Variants in INPP5B observed in about 807,000 individuals in gnomAD.
INPP5B encodes the protein inositol polyphosphate-5-phosphatase B, also known as type II inositol 1,4,5-trisphosphate 5-phosphatase.
A neutral mutation model predicts 118.5 loss-of-function variants in INPP5B; 90 were observed. The ratio of observed to expected loss-of-function variants is 0.76; its 90% confidence interval spans 0.64 to 0.90. The LOEUF is 0.90. Ranked by LOEUF, INPP5B falls within the 40% of genes least tolerant of loss-of-function variation. The pLI is 0.00. For missense variants in INPP5B, 984 were observed against 1,125.6 expected (o/e 0.87, Z 1.80); for synonymous variants, 385 against 418.9 (o/e 0.92, Z 0.99).
intron 7 of INPP5B, among the ~76,000 whole-genome samples, chr1:37,891,859 C>A (rs1643863439): frequency 1.3e-5 from 2 of 152,126 alleles, no homozygotes; most frequent in Non-Finnish European, 1.5e-5. Flanking sequence ...AAATTGTAGT[C>A]TAGGAATTAT....
chr1:37,868,879 T>C (rs1008228454), intron 19 of INPP5B, among the ~76,000 whole-genome samples: 5 of 152,232 alleles, frequency 3.3e-5, no homozygotes, highest in Non-Finnish European at 5.9e-5. Flanking sequence ...CTATAGCATT[T>C]CACTATTAGA....
chr1:37,868,248 G>A (rs987130995), intron 20 of INPP5B, among the ~76,000 whole-genome samples: 1 of 151,382 alleles, frequency 6.6e-6, no homozygotes, highest in African/African-American at 2.4e-5. Context: ...AGGAGGCGGA[G>A]GTTGCAGTGA....
At chr1:37,882,761 T>C (rs1643281748) in intron 14 of INPP5B, 46 bp downstream of exon 14, 2 of 1,460,720 alleles carry the variant, frequency 1.4e-6, no homozygotes, top group Non-Finnish European at 1.9e-6. Context: ...TGTGCCCTCA[T>C]GGTGGAGGAC....
chr1:37,897,734 A>AAAT (rs1644175207), intron 7 of INPP5B, among the ~76,000 whole-genome samples: 1 of 151,918 alleles, frequency 6.6e-6, no homozygotes, highest in African/African-American at 2.4e-5. Flanking sequence ...GATCAATTAA[A>AAAT]AATAATGATA....
intron 6 of INPP5B, among the ~76,000 whole-genome samples, chr1:37,937,756 G>A (rs1645750479): frequency 1.3e-5 from 2 of 151,228 alleles, no homozygotes; most frequent in African/African-American, 4.9e-5. Context: ...GACAGAGCCA[G>A]ACTTTGTCTC....
At chr1:37,897,853 T>A (rs1387573464) in intron 7 of INPP5B, among the ~76,000 whole-genome samples, 3 of 152,168 alleles carry the variant, frequency 2.0e-5, no homozygotes, top group African/African-American at 7.2e-5. Context: ...GGATGGTTAC[T>A]TGAGCCCAGG....
chr1:37,946,466 C>T (rs1646116437), intron 1 of INPP5B, 132 bp from the exon 2 acceptor site: 1 of 594,862 alleles, frequency 1.7e-6, no homozygotes, highest in Admixed American at 2.9e-5. Flanking sequence ...AGGCCTGATC[C>T]TCCTCCTCCT....
chr1:37,866,400 TCTCTCTCACA>T (rs779267329), intron 21 of INPP5B, 49 bp downstream of exon 21: 1,441 of 674,770 alleles, frequency 2.1e-3, no homozygotes, highest in South Asian at 4.8e-3. Context: ...TCTCTCTCTC[TCTCTCTCACA>T]CACACACACA....
chr1:37,940,011 C>T (rs898065202), intron 6 of INPP5B, among the ~76,000 whole-genome samples: 1 of 152,126 alleles, frequency 6.6e-6, no homozygotes, highest in African/African-American at 2.4e-5. Flanking sequence ...GCTCAGGCTC[C>T]ACAGCAAGAC....
intron 2 of INPP5B, 78 bp from the exon 3 acceptor site, chr1:37,945,928 C>A: frequency 7.7e-7 from 1 of 1,302,076 alleles, no homozygotes; most frequent in South Asian, 1.3e-5. Context: ...TCCCTCTGTT[C>A]CCCTGCCCCC....
At position 37,874,270 on chromosome 1, in the gene INPP5B, G is replaced by A. The variant is rs563766486; in HGVS notation, c.1789-115C>T. 1.2e-5 allele frequency: 9 copies of A among 734,918 alleles called. No homozygotes were observed. In the South Asian group the frequency reaches 3.3e-4, roughly 27 times the overall value. 45.5% of individuals were successfully genotyped at this position (734,918 alleles called of 1,614,324 possible). On this transcript the variant is annotated intron_variant, in intron 17 of 23. Transcript: ENST00000373024. ...AGAAAATGAACCATCTCTTTTAAATGTTTCTGCTTTAAGTATCTACCTGGG... is the reference window on the plus strand; with the variant it reads ...AGAAAATGAACCATCTCTTTTAAATATTTCTGCTTTAAGTATCTACCTGGG...
chr1:37,897,382 T>C (rs1644158156), intron 7 of INPP5B, among the ~76,000 whole-genome samples: 2 of 151,274 alleles, frequency 1.3e-5, no homozygotes, highest in African/African-American at 2.4e-5. Flanking sequence ...CATTTTGTTC[T>C]GTACTAAGAA....
At chr1:37,884,980 T>A (rs1362525950) in intron 13 of INPP5B, 2 of 151,938 alleles carry the variant, frequency 1.3e-5, no homozygotes, top group African/African-American at 2.4e-5. Flanking sequence ...ATAAAACTTA[T>A]ACCTTCCCAA....
chr1:37,941,958 A>AAAAAAAAAAAAATATATATATATATAT (rs1427344681), intron 5 of INPP5B: 3 of 30,376 alleles, frequency 9.9e-5, no homozygotes, highest in South Asian at 8.4e-4. Flanking sequence ...AAAAAAAAAA[A>AAAAAAAAAAAAATATATATATATATAT]ATATATATAT....
chr1:37,877,513 T>G (rs993331202), intron 16 of INPP5B, among the ~76,000 whole-genome samples: 1 of 152,176 alleles, frequency 6.6e-6, no homozygotes. Context: ...ACATGGTTGG[T>G]AGAAGTATAA....
chr1:37,907,576 A>G lies in INPP5B; in HGVS notation c.533-16122T>C, dbSNP rs1162918887. Among the ~76,000 whole-genome samples the G allele has an allele frequency of 6.6e-6, 1 of 152,202 alleles. No homozygotes were observed. Among genetic ancestry groups the G allele is most frequent in the African/African-American group, 2.4e-5 (1 of 41,454 alleles). The stretch of plus-strand genomic sequence containing the variant: ...GGGCTGCATTCCCAGACAGTTAGGC[A>G]TTCTAAGTCACTGGATGAGATGTGA... On this transcript the variant is annotated intron_variant, in intron 7 of 23. Coordinates refer to ENST00000373024, the MANE Select transcript of INPP5B (RefSeq NM_005540.3). The surrounding 1 kb of genome is among the most constrained non-coding windows in gnomAD (Gnocchi z 4.3).
intron 7 of INPP5B, among the ~76,000 whole-genome samples, chr1:37,900,284 C>G (rs1380723243): frequency 1.3e-5 from 2 of 149,204 alleles, no homozygotes; most frequent in African/African-American, 4.9e-5. Flanking sequence ...GAGACAGAGT[C>G]TCTCTTGTCA....
intron 7 of INPP5B, among the ~76,000 whole-genome samples, chr1:37,896,112 G>A (rs1338485091): frequency 7.4e-5 from 11 of 148,678 alleles, no homozygotes; most frequent in East Asian, 4.0e-4. Flanking sequence ...AGTGAGGAGC[G>A]TCTCTGCCCG....
intron 22 of INPP5B, among the ~76,000 whole-genome samples, chr1:37,865,170 A>G (rs1167421892): frequency 2.0e-5 from 3 of 151,936 alleles, no homozygotes; most frequent in Non-Finnish European, 2.9e-5. Flanking sequence ...GTGACACAGC[A>G]AGACTCCATC....
Sources: gnomAD v4.1 joint callset for allele counts (sites outside exome capture counted in the v4.1 genomes callset) on GRCh38, gnomAD v4.1.1 for gene constraint, Gnocchi (gnomAD v3.1) non-coding constraint, MANE v1.5 for transcripts, NCBI Gene and HGNC (gene_info 2026-07-23, HGNC 2026-07-21) for gene names.